Variants in MDGA2 observed in about 807,000 individuals in gnomAD.
MDGA2 encodes the protein MAM domain containing glycosylphosphatidylinositol anchor 2.
MDGA2 carries 40 observed loss-of-function variants against 117.8 expected under a neutral mutation model. The observed-to-expected ratio is 0.34, with a 90% CI of 0.26 to 0.44. MDGA2 has a LOEUF of 0.44. MDGA2 is among the 20% of genes least tolerant of loss of function. The pLI is 1.00. For missense variants in MDGA2, 1,123 were observed against 1,250.6 expected (o/e 0.90, Z 1.54); for synonymous variants, 452 against 439.0 (o/e 1.03, Z -0.37).
chr14:47,167,051 T>C (rs1883910544), intron 3 of MDGA2, among the ~76,000 whole-genome samples: 1 of 152,160 alleles, frequency 6.6e-6, no homozygotes, highest in African/African-American at 2.4e-5. Context: ...TACTCTCAAA[T>C]GTAGACTCTG....
At chr14:47,173,942 G>C (rs1884308684) in intron 3 of MDGA2, among the ~76,000 whole-genome samples, 1 of 152,076 alleles carries the variant, frequency 6.6e-6, no homozygotes, top group African/African-American at 2.4e-5. Context: ...AAAATAAAAG[G>C]ATGGAGGAAG....
At chr14:47,309,085 A>G (rs1889552152) in intron 1 of MDGA2, among the ~76,000 whole-genome samples, 1 of 152,174 alleles carries the variant, frequency 6.6e-6, no homozygotes, top group Admixed American at 6.6e-5. Flanking sequence ...CATAAGCTAA[A>G]TGTTCAACTT....
intron 1 of MDGA2, among the ~76,000 whole-genome samples, chr14:47,329,698 G>T (rs1029443950): frequency 1.3e-5 from 2 of 151,808 alleles, no homozygotes; most frequent in African/African-American, 4.8e-5. Flanking sequence ...TAATAAAAAT[G>T]CCAGGTGTTG....
chr14:46,928,296 A>G (rs893662406), intron 9 of MDGA2, among the ~76,000 whole-genome samples: 7 of 152,192 alleles, frequency 4.6e-5, no homozygotes, highest in African/African-American at 1.4e-4. Context: ...AATTTGTAAT[A>G]ATATGTCTAA....
Position 47,478,438 on chromosome 14 carries a change from G to A in MDGA2, c.281-176888C>T, listed in dbSNP as rs114975000. Among the ~76,000 whole-genome samples, 805 of 152,126 alleles carry A rather than the reference G, an allele frequency of 5.3e-3. 7 individuals are homozygous for A. The highest frequency in any genetic ancestry group is 0.016 in the African/African-American group (661 of 41,494). On this transcript the variant is annotated intron_variant, in intron 1 of 16. Coordinates refer to ENST00000399232, the MANE Select transcript of MDGA2 (RefSeq NM_001113498.3). ...GTCACCCAGGCTGGAGTGCTATGGCGCTATCACAGGTCACCGCAGCCTTCA... is the reference window on the plus strand; with the variant it reads ...GTCACCCAGGCTGGAGTGCTATGGCACTATCACAGGTCACCGCAGCCTTCA...
At chr14:47,416,061 C>T (rs1234593592) in intron 1 of MDGA2, among the ~76,000 whole-genome samples, 1 of 152,174 alleles carries the variant, frequency 6.6e-6, no homozygotes, top group East Asian at 1.9e-4. Flanking sequence ...ATGCAAAATA[C>T]AGTAATTCCA....
At chr14:47,609,466 A>AT (rs1566539792) in intron 1 of MDGA2, among the ~76,000 whole-genome samples, 5 of 20,744 alleles carry the variant, frequency 2.4e-4, no homozygotes, top group African/African-American at 5.6e-4. Flanking sequence ...TATATATATA[A>AT]GTTTCTTTAT....
chr14:47,361,691 C>G (rs996956968), intron 1 of MDGA2, among the ~76,000 whole-genome samples: 2 of 151,946 alleles, frequency 1.3e-5, no homozygotes, highest in Non-Finnish European at 2.9e-5. Flanking sequence ...GAGATTGGAC[C>G]AGATGAGTTC....
intron 14 of MDGA2, among the ~76,000 whole-genome samples, chr14:46,858,532 A>G (rs1434381216): frequency 7.0e-6 from 1 of 143,038 alleles, no homozygotes; most frequent in Non-Finnish European, 1.5e-5. Flanking sequence ...GGTTCACGCC[A>G]TTCTCCTGCC....
chr14:47,064,769 C>T (rs1478702629), intron 6 of MDGA2, among the ~76,000 whole-genome samples: 1 of 152,058 alleles, frequency 6.6e-6, no homozygotes, highest in African/African-American at 2.4e-5. Flanking sequence ...ATCAACTGGG[C>T]AGCAGGTTCC....
chr14:47,540,520 ATG>A (rs147620834), intron 1 of MDGA2, among the ~76,000 whole-genome samples: 12,767 of 103,576 alleles, frequency 0.12, 1,110 homozygotes, highest in Middle Eastern at 0.16. Context: ...GTATATGTAT[ATG>A]TGTGTGTGTG....
intron 2 of MDGA2, among the ~76,000 whole-genome samples, chr14:47,289,337 A>ACG (rs1491118054): frequency 6.7e-6 from 1 of 148,910 alleles, no homozygotes; most frequent in African/African-American, 2.5e-5. Context: ...ACACACACAC[A>ACG]CGCACACACT....
chr14:47,622,517 G>C (rs892745445), intron 1 of MDGA2, among the ~76,000 whole-genome samples: 1 of 152,000 alleles, frequency 6.6e-6, no homozygotes, highest in Non-Finnish European at 1.5e-5. Context: ...AGTAGACAAA[G>C]TTGATATGGA....
intron 1 of MDGA2, among the ~76,000 whole-genome samples, chr14:47,534,553 C>A (rs10149183): frequency 0.26 from 39,905 of 151,982 alleles, 5,818 homozygotes; most frequent in South Asian, 0.53. Context: ...ACTTACAAAA[C>A]CATCAGATCT....
At position 47,388,448 on chromosome 14, in the gene MDGA2, C is replaced by T. The variant is rs547901190; in HGVS notation, c.281-86898G>A. On this transcript the variant is annotated intron_variant, in intron 1 of 16. Transcript: ENST00000399232. ...ACCAAGGCTTCCTTCTGCTTTTGTG[C>T]ATTCCCACAATCTGTTCTACCTCCA... Among the ~76,000 whole-genome samples, 12 of 152,264 alleles carry T rather than the reference C, an allele frequency of 7.9e-5. No individual in the cohort carries two copies. In the South Asian group the frequency reaches 2.3e-3, roughly 29 times the overall value.
At chr14:47,360,482 G>T (rs1891096455) in intron 1 of MDGA2, among the ~76,000 whole-genome samples, 1 of 152,002 alleles carries the variant, frequency 6.6e-6, no homozygotes. Flanking sequence ...TATATGAAAA[G>T]GTGCTTTCCC....
intron 8 of MDGA2, among the ~76,000 whole-genome samples, chr14:46,969,685 T>G (rs1886179772): frequency 6.6e-6 from 1 of 151,812 alleles, no homozygotes; most frequent in Non-Finnish European, 1.5e-5. Context: ...AAAAATTTTC[T>G]CCCATTCTGT....
intron 1 of MDGA2, among the ~76,000 whole-genome samples, chr14:47,498,128 G>A (rs571963009): frequency 1.3e-5 from 2 of 152,246 alleles, no homozygotes; most frequent in East Asian, 1.9e-4. Flanking sequence ...CCACATGGGA[G>A]GCAGAAAGCA....
At position 47,312,698 on chromosome 14, in the gene MDGA2, GT is replaced by G. The variant is rs10688219; in HGVS notation, c.281-11149del. Among the ~76,000 whole-genome samples, 196 of 133,720 alleles carry G rather than the reference GT, an allele frequency of 1.5e-3. 2 individuals carry two copies. Among genetic ancestry groups the G allele is most frequent in the African/African-American group, 5.3e-3 (187 of 35,360 alleles). 87.7% of individuals were successfully genotyped at this position (133,720 alleles called of 152,430 possible). ...TTTAGTTTTTTTTTTGTTTTGTTTT[GT>G]TTTTTTTTTTTGTAGAGATAGGGTA... is the stretch of plus-strand genomic sequence containing the variant. On this transcript the variant is annotated intron_variant, in intron 1 of 16. Coordinates refer to ENST00000399232, the MANE Select transcript of MDGA2 (RefSeq NM_001113498.3).
Sources: gnomAD v4.1 joint callset for allele counts (sites outside exome capture counted in the v4.1 genomes callset) on GRCh38, gnomAD v4.1.1 for gene constraint, MANE v1.5 for transcripts, NCBI Gene and HGNC (gene_info 2026-07-23, HGNC 2026-07-21) for gene names.